The following BRIP1 variants were observed in gnomAD, a reference collection of about 807,000 sequenced individuals.
BRIP1 encodes BRCA1 interacting DNA helicase 1.
BRIP1 carries 88 observed loss-of-function variants against 119.7 expected under a neutral mutation model. That is an observed-to-expected ratio of 0.74 (90% CI 0.62 to 0.88). The LOEUF (loss-of-function observed/expected upper bound fraction) is 0.88. Ranked by LOEUF, BRIP1 falls within the 40% of genes least tolerant of loss-of-function variation. The pLI is 0.00. For missense variants in BRIP1, 1,259 were observed against 1,455.4 expected (o/e 0.87, Z 2.20); for synonymous variants, 443 against 496.5 (o/e 0.89, Z 1.43).
chr17:61,854,755 G>C (rs561060219), intron 4 of BRIP1, among the ~76,000 whole-genome samples: 2 of 150,400 alleles, frequency 1.3e-5, no homozygotes, highest in South Asian at 2.1e-4. Flanking sequence ...AAAGCAATCT[G>C]GTCATTCTGC....
Position 61,802,430 on chromosome 17 carries a change from G to A in BRIP1, c.919-956C>T, listed in dbSNP as rs1056420928. Among the ~76,000 whole-genome samples the A allele has an allele frequency of 1.1e-4, 16 of 152,054 alleles. No homozygotes were observed. The highest frequency in any genetic ancestry group is 3.9e-4 in the Admixed American group (6 of 15,256). On this transcript the variant is annotated intron_variant, in intron 7 of 19. Coordinates refer to ENST00000259008, the MANE Select transcript of BRIP1 (RefSeq NM_032043.3). This position sits in a 1 kb window ranked among gnomAD's most constrained non-coding sequence, Gnocchi z 6.0. ...AGCCATGATCAAGCCACTGCACTCC[G>A]GCCTGGATGACAAAACAAAGCCCTA...
rs1555571892 is a variant in BRIP1, at chr17:61,680,480, C to CTTTCT, written c.*2815_*2816insAGAAA. Among the ~76,000 whole-genome samples, 642 of 124,070 alleles carry CTTTCT rather than the reference C, an allele frequency of 5.2e-3. 23 individuals carry two copies. The highest frequency in any genetic ancestry group is 0.017 in the African/African-American group (532 of 31,740). 81.4% of individuals were successfully genotyped at this position (124,070 alleles called of 152,430 possible). A position where few individuals can be genotyped will look rare whatever the true frequency, so the allele number is the denominator to read the frequency against. Reference sequence around the variant, plus strand: ...AGTTTACCAATTCTAAAGGTAATTTCTTTTTTTTTTTTTTTTTGAGACGGA... The same window carrying CTTTCT: ...AGTTTACCAATTCTAAAGGTAATTTCTTTCTTTTTTTTTTTTTTTTTTGAGACGGA... On this transcript the variant is annotated 3_prime_UTR_variant, in exon 20 of 20. Coordinates refer to ENST00000259008, the MANE Select transcript of BRIP1 (RefSeq NM_032043.3).
In BRIP1 at chr17:61,856,231, A is replaced by G. The variant is rs1344797992; in HGVS notation, c.379+827T>C. On this transcript the variant is annotated intron_variant, in intron 4 of 19. Coordinates refer to ENST00000259008, the MANE Select transcript of BRIP1 (RefSeq NM_032043.3). This position sits in a 1 kb window ranked among gnomAD's most constrained non-coding sequence, Gnocchi z 5.1. ...GAAGTTCAATCATCTACCCTCCTCT[A>G]TATAGTCACATGCTTTAGAGGAAGC... 2.0e-5 allele frequency among the ~76,000 whole-genome samples: 3 copies of G among 152,226 alleles called. No homozygotes were observed. The highest frequency in any genetic ancestry group is 4.4e-5 in the Non-Finnish European group (3 of 68,040).
In BRIP1 at chr17:61,742,887, TA is replaced by T; in HGVS notation, c.2379+125del. 8.0e-7 allele frequency: 1 copy of T among 1,249,752 alleles called. No individual in the cohort carries two copies. Among genetic ancestry groups the T allele is most frequent in the Non-Finnish European group, 1.2e-6 (1 of 867,388 alleles). 77.4% of individuals were successfully genotyped at this position (1,249,752 alleles called of 1,614,324 possible). On this transcript the variant is annotated intron_variant, in intron 16 of 19. Transcript: ENST00000259008. This position sits in a 1 kb window ranked among gnomAD's most constrained non-coding sequence, Gnocchi z 4.7. ...AGACTTGCACAATGCAGGGTTACCA[TA>T]AACCTTCAATTTGTAAAAAAGCACT...
At chr17:61,826,731 T>G (rs201661204) in intron 6 of BRIP1, among the ~76,000 whole-genome samples, 1 of 75,318 alleles carries the variant, frequency 1.3e-5, no homozygotes, top group Non-Finnish European at 2.5e-5. Context: ...TATTAAAAAG[T>G]AAAAAAAAAA....
Position 61,728,579 on chromosome 17 carries a change from A to G in BRIP1, c.2380-12516T>C, listed in dbSNP as rs533485595. On this transcript the variant is annotated intron_variant, in intron 16 of 19. Coordinates refer to ENST00000259008, the MANE Select transcript of BRIP1 (RefSeq NM_032043.3). ...CAGTTTGACCTGCAGGAGTTCAGAA[A>G]GTCTCAGGAAATGGAGGTATAAGGA... Among the ~76,000 whole-genome samples the G allele has an allele frequency of 1.5e-4, 23 of 152,206 alleles. 1 individual carries two copies. The highest frequency in any genetic ancestry group is 1.3e-4 in the Non-Finnish European group (9 of 68,032).
intron 3 of BRIP1, among the ~76,000 whole-genome samples, chr17:61,858,130 A>G (rs182080992): frequency 2.6e-5 from 4 of 152,346 alleles, no homozygotes; most frequent in Admixed American, 2.6e-4. Context: ...TAATAAGTTT[A>G]CATTGTGTGC....
At position 61,756,214 on chromosome 17, in the gene BRIP1, G is replaced by A. The variant is rs2077198596; in HGVS notation, c.2098-11623C>T. ...GACACTTGAATTACACATTTAGACA[G>A]CTTAACTATTTCTGTCTTGCCAGAG... On this transcript the variant is annotated intron_variant, in intron 14 of 19. Transcript: ENST00000259008. The surrounding 1 kb of genome is among the most constrained non-coding windows in gnomAD (Gnocchi z 4.3). Among the ~76,000 whole-genome samples the A allele has an allele frequency of 6.6e-6, 1 of 152,140 alleles. No individual in the cohort carries two copies. The highest frequency in any genetic ancestry group is 2.4e-5 in the African/African-American group (1 of 41,426).
In BRIP1 at chr17:61,780,407, A is replaced by C; in HGVS notation, c.1795-6T>G. 1 of 1,604,908 alleles carries C rather than the reference A, an allele frequency of 6.2e-7. No homozygotes were observed. The highest frequency in any genetic ancestry group is 1.7e-5 in the Admixed American group (1 of 60,008). ...CCATTAATATCTGAAAAGGCCTAAA[A>C]GAAAACAACATTAGATAAATAAAAT... On this transcript the variant is annotated splice_region_variant and splice_polypyrimidine_tract_variant and intron_variant, in intron 12 of 19. Coordinates refer to ENST00000259008, the MANE Select transcript of BRIP1 (RefSeq NM_032043.3). This position sits in a 1 kb window ranked among gnomAD's most constrained non-coding sequence, Gnocchi z 5.4.
chr17:61,847,253 T>TG, intron 5 of BRIP1, 33 bp from the exon 6 acceptor site: 1 of 1,611,966 alleles, frequency 6.2e-7, no homozygotes, highest in Non-Finnish European at 8.5e-7. Context: ...AAGTTTAAGG[T>TG]GAACTAGAAG....
At chr17:61,697,481 T>C (rs1365494538) in intron 17 of BRIP1, among the ~76,000 whole-genome samples, 1 of 151,986 alleles carries the variant, frequency 6.6e-6, no homozygotes, top group Non-Finnish European at 1.5e-5. Flanking sequence ...TATTCTCTTA[T>C]AATCCTTTGT....
rs1469072537 is a variant in BRIP1 at position 61,822,859 on chromosome 17, G to T, written c.628-14102C>A. Among the ~76,000 whole-genome samples the T allele has an allele frequency of 6.6e-6, 1 of 152,178 alleles. No homozygotes were observed. Among genetic ancestry groups the T allele is most frequent in the African/African-American group, 2.4e-5 (1 of 41,450 alleles). On this transcript the variant is annotated intron_variant, in intron 6 of 19. Coordinates refer to ENST00000259008, the MANE Select transcript of BRIP1 (RefSeq NM_032043.3). The surrounding 1 kb of genome is among the most constrained non-coding windows in gnomAD (Gnocchi z 4.4). ...GTTCCAAATGACAACGAAGTCCCAT[G>T]TGTAGTGGTGCTGTTGAATTAATGG...
chr17:61,784,195 A>G (rs1311356728), intron 11 of BRIP1, 75 bp downstream of exon 11: 1 of 1,293,958 alleles, frequency 7.7e-7, no homozygotes, highest in Non-Finnish European at 1.1e-6. Flanking sequence ...CAAAATAGGT[A>G]TGTATTAAAC....
At position 61,799,129 on chromosome 17, in the gene BRIP1, G is replaced by A. The variant is rs1060504327; in HGVS notation, c.1311C>T (p.Pro437=). ...NNNIRKKDHE[P]LRAVCCSLIN... ...TGAGGCTACAGCACACAGCTCGTAG[G>A]GGTTCATGATCTTTCTTCCTTATAT... The change falls in exon 9 of 20, where the codon CCC becomes CCT. Residue 437 remains proline (P), a synonymous_variant. Coordinates refer to ENST00000259008, the MANE Select transcript of BRIP1 (RefSeq NM_032043.3). This position sits in a 1 kb window ranked among gnomAD's most constrained non-coding sequence, Gnocchi z 5.1. 1.2e-6 allele frequency: 2 copies of A among 1,613,486 alleles called. No individual in the cohort carries two copies. Among genetic ancestry groups the A allele is most frequent in the Non-Finnish European group, 8.5e-7 (1 of 1,179,576 alleles).
rs776915115 is a variant in BRIP1 at position 61,775,985 on chromosome 17, G to C, written c.2097+416C>G. On this transcript the variant is annotated intron_variant, in intron 14 of 19. Transcript: ENST00000259008. The surrounding 1 kb of genome is among the most constrained non-coding windows in gnomAD (Gnocchi z 4.4). ...TGTAACCTCAACCTCCTGGGCTCAA[G>C]CAATCCTCCCACCTCAGCCTCGCAG... is the stretch of plus-strand genomic sequence containing the variant. The C allele has an allele frequency of 7.1e-5, 16 of 225,322 alleles. No individual in the cohort carries two copies. The highest frequency in any genetic ancestry group is 1.1e-4 in the Non-Finnish European group (12 of 112,408). 14.0% of individuals were successfully genotyped at this position (225,322 alleles called of 1,614,324 possible).
intron 10 of BRIP1, among the ~76,000 whole-genome samples, chr17:61,787,293 A>G (rs1485188068): frequency 5.0e-5 from 5 of 100,746 alleles, no homozygotes; most frequent in Non-Finnish European, 9.1e-5. Flanking sequence ...TATACTATAT[A>G]AAATATATAA....
intron 10 of BRIP1, among the ~76,000 whole-genome samples, chr17:61,786,485 T>C (rs1460322847): frequency 3.3e-5 from 5 of 151,352 alleles, no homozygotes; most frequent in African/African-American, 1.2e-4. Flanking sequence ...TATACTACTT[T>C]GGTAAAAATT....
At chr17:61,786,597 T>C (rs982572967) in intron 10 of BRIP1, among the ~76,000 whole-genome samples, 1 of 146,768 alleles carries the variant, frequency 6.8e-6, no homozygotes, top group Non-Finnish European at 1.5e-5. Flanking sequence ...TATAATATAA[T>C]AAAAATATAA....
chr17:61,683,705 T>G lies in BRIP1; in HGVS notation c.3341A>C (p.Gln1114Pro). 6.2e-7 allele frequency: 1 copy of G among 1,614,030 alleles called. No homozygotes were observed. Among genetic ancestry groups the G allele is most frequent in the Non-Finnish European group, 8.5e-7 (1 of 1,179,942 alleles). The stretch of plus-strand genomic sequence containing the variant: ...TTCAAAATCTCTATTTGAAGTGGAC[T>G]GTTTATCTTCTTCACTTACTAGAGA... Reference protein sequence around the residue: ...ELSLVSEEDKQSTSNRDFETE... With the variant: ...ELSLVSEEDKPSTSNRDFETE... Residue 1114 changes from glutamine to proline, a missense_variant, in exon 20 of 20, where the codon CAG becomes CCG. Transcript: ENST00000259008. This position sits in a 1 kb window ranked among gnomAD's most constrained non-coding sequence, Gnocchi z 4.7.
Sources: allele counts gnomAD v4.1 joint callset (sites outside exome capture counted in the v4.1 genomes callset), GRCh38; gene constraint gnomAD v4.1.1; non-coding constraint Gnocchi (gnomAD v3.1); transcripts MANE v1.5; gene names NCBI Gene and HGNC (gene_info 2026-07-23, HGNC 2026-07-21).